The following PPP3CC variants were observed in gnomAD, a reference collection of about 807,000 sequenced individuals.
PPP3CC encodes the protein serine/threonine-protein phosphatase 2B catalytic subunit gamma isoform.
In PPP3CC, 35 loss-of-function variants were observed where a neutral mutation model predicts 60.3. That is an observed-to-expected ratio of 0.58 (90% CI 0.44 to 0.77). PPP3CC has a LOEUF of 0.77. Among genes scored for constraint, PPP3CC ranks in the 30% least tolerant of loss-of-function variants. The probability of loss-of-function intolerance (pLI) is 0.00; values close to 1 mark genes in which losing one functional copy is unlikely to be tolerated. For missense variants in PPP3CC, 570 were observed against 628.9 expected (o/e 0.91, Z 1.00); for synonymous variants, 206 against 224.3 (o/e 0.92, Z 0.73).
intron 3 of PPP3CC, among the ~76,000 whole-genome samples, chr8:22,497,346 A>G (rs1179917228): frequency 4.0e-5 from 6 of 148,912 alleles, no homozygotes; most frequent in East Asian, 3.9e-4. Flanking sequence ...TTTTTTTTTT[A>G]AAGATGGAGT....
chr8:22,453,067 C>T (rs2132434111), intron 1 of PPP3CC, among the ~76,000 whole-genome samples: 1 of 152,276 alleles, frequency 6.6e-6, no homozygotes, highest in South Asian at 2.1e-4. Context: ...ACAGACTCTG[C>T]TGATTACCAG....
intron 1 of PPP3CC, among the ~76,000 whole-genome samples, chr8:22,461,213 T>C (rs1451479012): frequency 6.6e-6 from 1 of 152,236 alleles, no homozygotes; most frequent in Non-Finnish European, 1.5e-5. Flanking sequence ...ATATGAAGTT[T>C]GTTTTTAATG....
In PPP3CC at chr8:22,540,646, C is replaced by T; in HGVS notation, c.1383C>T (p.Ile461=). Residue 461 remains isoleucine (I), a synonymous_variant, in exon 14 of 14, where the codon ATC becomes ATT. Coordinates refer to ENST00000240139, the MANE Select transcript of PPP3CC (RefSeq NM_005605.5). ...AIRGFSLQHK[I]RSFEEARGLD... Reference sequence around the variant, plus strand: ...GAGGGTTCTCGCTTCAGCACAAGATCCGGAGTTTTGAAGAAGCGCGAGGTC... The same window carrying T: ...GAGGGTTCTCGCTTCAGCACAAGATTCGGAGTTTTGAAGAAGCGCGAGGTC... The T allele has an allele frequency of 1.2e-6, 2 of 1,613,770 alleles. No homozygotes were observed. Among genetic ancestry groups the T allele is most frequent in the South Asian group, 2.2e-5 (2 of 91,050 alleles).
At chr8:22,476,788 C>G (rs537888288) in intron 3 of PPP3CC, among the ~76,000 whole-genome samples, 1 of 151,866 alleles carries the variant, frequency 6.6e-6, no homozygotes, top group South Asian at 2.1e-4. Flanking sequence ...AAAAATTAGC[C>G]GGGTGTGTAG....
At chr8:22,471,000 C>CA (rs1837705056) in intron 1 of PPP3CC, among the ~76,000 whole-genome samples, 1 of 152,214 alleles carries the variant, frequency 6.6e-6, no homozygotes, top group Non-Finnish European at 1.5e-5. Flanking sequence ...TCTAGTCATA[C>CA]ATTGTCTGCC....
chr8:22,452,369 C>G (rs1018998008), intron 1 of PPP3CC, among the ~76,000 whole-genome samples: 1 of 152,120 alleles, frequency 6.6e-6, no homozygotes, highest in Non-Finnish European at 1.5e-5. Context: ...TGACCAGCTC[C>G]TGTTTGTTTT....
At position 22,540,738 on chromosome 8, in the gene PPP3CC, C is replaced by A. The variant is rs1017999814; in HGVS notation, c.1475C>A (p.Ser492Tyr). 1.8e-5 allele frequency: 29 copies of A among 1,614,124 alleles called. No homozygotes were observed. Among genetic ancestry groups the A allele is most frequent in the Non-Finnish European group, 2.4e-5 (28 of 1,180,008 alleles). Residue 492 changes from serine to tyrosine, a missense_variant, in exon 14 of 14, where the codon TCT (serine) becomes TAT (tyrosine). Ser to Tyr is a moderately radical substitution (Grantham distance 144). Transcript: ENST00000240139. ...DSIHAGGPMK[S>Y]VTSAHSHAAH... ...ATACACGCTGGTGGGCCAATGAAAT[C>A]TGTAACCTCAGCACACTCACATGCT...
intron 8 of PPP3CC, 81 bp from the exon 9 acceptor site, chr8:22,527,311 C>G: frequency 6.9e-7 from 1 of 1,449,266 alleles, no homozygotes; most frequent in South Asian, 1.3e-5. Context: ...TTCTGTGTAG[C>G]AGGTACACAG....
intron 1 of PPP3CC, 36 bp downstream of exon 1, chr8:22,441,494 G>C (rs1382274197): frequency 6.6e-7 from 1 of 1,515,790 alleles, no homozygotes; most frequent in South Asian, 1.2e-5. Context: ...TGGGACCCGC[G>C]GGAAACGGCC....
chr8:22,506,978 G>T (rs1348155885), intron 4 of PPP3CC, among the ~76,000 whole-genome samples: 1 of 151,602 alleles, frequency 6.6e-6, no homozygotes, highest in Admixed American at 6.6e-5. Context: ...TAAAAAATTT[G>T]AGCTATGTCT....
At chr8:22,521,208 C>T (rs1839396908) in intron 6 of PPP3CC, among the ~76,000 whole-genome samples, 1 of 152,198 alleles carries the variant, frequency 6.6e-6, no homozygotes. Flanking sequence ...GAGGAATGGA[C>T]AGGCATGATT....
At chr8:22,489,650 A>AATAAGTATATATATTAT (rs1554535085) in intron 3 of PPP3CC, among the ~76,000 whole-genome samples, 16 of 93,836 alleles carry the variant, frequency 1.7e-4, no homozygotes, top group Non-Finnish European at 2.8e-4. Context: ...TATAATATAC[A>AATAAGTATATATATTAT]ATAAGTATAT....
At chr8:22,445,184 G>T (rs912046671) in intron 1 of PPP3CC, among the ~76,000 whole-genome samples, 1 of 151,944 alleles carries the variant, frequency 6.6e-6, no homozygotes, top group Non-Finnish European at 1.5e-5. Flanking sequence ...CTTTAATATC[G>T]TGGCACTGGG....
rs1836652339 is a variant in PPP3CC at position 22,441,142 on chromosome 8, C to T, written c.-268C>T. The T allele has an allele frequency of 2.9e-6, 1 of 339,904 alleles. No homozygotes were observed. Among genetic ancestry groups the T allele is most frequent in the East Asian group, 4.4e-5 (1 of 22,894 alleles). 21.1% of individuals were successfully genotyped at this position (339,904 alleles called of 1,614,324 possible). On this transcript the variant is annotated 5_prime_UTR_variant, in exon 1 of 14. Transcript: ENST00000240139. Reference sequence around the variant, plus strand: ...CCCGGTCGCCACCCTTAGCAGCGGTCGCGGTCGGTGCCGAAGCGGTGTTCC... The same window carrying T: ...CCCGGTCGCCACCCTTAGCAGCGGTTGCGGTCGGTGCCGAAGCGGTGTTCC...
At chr8:22,462,390 T>C (rs1837387424) in intron 1 of PPP3CC, among the ~76,000 whole-genome samples, 1 of 152,230 alleles carries the variant, frequency 6.6e-6, no homozygotes, top group Non-Finnish European at 1.5e-5. Context: ...TTCAGTTTTG[T>C]TTCACTTTTT....
intron 4 of PPP3CC, among the ~76,000 whole-genome samples, chr8:22,508,896 G>A (rs74411200): frequency 6.6e-6 from 1 of 152,216 alleles, no homozygotes; most frequent in Non-Finnish European, 1.5e-5. Context: ...GGATGTAACT[G>A]TAAGGAGAGG....
At chr8:22,458,727 G>A (rs1021720487) in intron 1 of PPP3CC, among the ~76,000 whole-genome samples, 7 of 152,100 alleles carry the variant, frequency 4.6e-5, no homozygotes, top group Non-Finnish European at 1.0e-4. Flanking sequence ...GTTATGGAAT[G>A]TTTTGTTTTT....
At chr8:22,509,054 C>G (rs552247446) in intron 4 of PPP3CC, among the ~76,000 whole-genome samples, 2 of 152,330 alleles carry the variant, frequency 1.3e-5, no homozygotes, top group Non-Finnish European at 2.9e-5. Flanking sequence ...TTAATGAACT[C>G]AAACCCTAAT....
At chr8:22,460,390 C>A (rs1411700393) in intron 1 of PPP3CC, among the ~76,000 whole-genome samples, 1 of 152,070 alleles carries the variant, frequency 6.6e-6, no homozygotes, top group African/African-American at 2.4e-5. Flanking sequence ...TGGAGTCTCG[C>A]TATGTTGCCC....
Sources: gnomAD v4.1 joint callset for allele counts (sites outside exome capture counted in the v4.1 genomes callset) on GRCh38, gnomAD v4.1.1 for gene constraint, MANE v1.5 for transcripts, NCBI Gene and HGNC (gene_info 2026-07-23, HGNC 2026-07-21) for gene names.